The following ADAMTS19 variants were observed in gnomAD, a reference collection of about 807,000 sequenced individuals.
The protein encoded by ADAMTS19 is A disintegrin and metalloproteinase with thrombospondin motifs 19.
A neutral mutation model predicts 153.3 loss-of-function variants in ADAMTS19; 93 were observed. The observed-to-expected ratio is 0.61, with a 90% CI of 0.51 to 0.72. The LOEUF (loss-of-function observed/expected upper bound fraction) is 0.72, where lower values mean the gene tolerates loss of function less well. Among genes scored for constraint, ADAMTS19 ranks in the 30% least tolerant of loss-of-function variants. The probability of loss-of-function intolerance (pLI) is 0.00; values close to 1 mark genes in which losing one functional copy is unlikely to be tolerated. For synonymous variants in ADAMTS19, 600 were observed against 556.6 expected, an observed-to-expected ratio of 1.08 and a Z score of -1.10; for missense variants, 1,482 against 1,552.1, an observed-to-expected ratio of 0.95 and a Z score of 0.76.
intron 11 of ADAMTS19, among the ~76,000 whole-genome samples, chr5:129,643,167 G>GCACACA (rs76876946): frequency 6.8e-6 from 1 of 148,016 alleles, no homozygotes; most frequent in Non-Finnish European, 1.5e-5. Context: ...ACACACAAAA[G>GCACACA]CACACACACA....
At chr5:129,638,008 G>T (rs1169455301) in intron 10 of ADAMTS19, among the ~76,000 whole-genome samples, 1 of 152,086 alleles carries the variant, frequency 6.6e-6, no homozygotes, top group Non-Finnish European at 1.5e-5. Context: ...AAAAGGTAAT[G>T]ATTGGGTACT....
At chr5:129,716,476 C>A (rs765439663) in intron 21 of ADAMTS19, among the ~76,000 whole-genome samples, 2 of 151,980 alleles carry the variant, frequency 1.3e-5, no homozygotes, top group South Asian at 2.1e-4. Context: ...TGAGATGAGT[C>A]ATTAGCCACC....
intron 2 of ADAMTS19, among the ~76,000 whole-genome samples, chr5:129,486,488 A>G (rs1750595697): frequency 1.3e-5 from 2 of 152,216 alleles, no homozygotes; most frequent in Admixed American, 6.5e-5. Flanking sequence ...AAGAAAAATT[A>G]TAACAGTGTG....
At chr5:129,507,271 TAAGAC>T (rs1156242090) in intron 2 of ADAMTS19, among the ~76,000 whole-genome samples, 1 of 152,024 alleles carries the variant, frequency 6.6e-6, no homozygotes, top group Non-Finnish European at 1.5e-5. Context: ...CACTAATCCA[TAAGAC>T]AAGAATAACA....
chr5:129,535,714 A>G (rs1752394474), intron 6 of ADAMTS19, among the ~76,000 whole-genome samples: 1 of 152,188 alleles, frequency 6.6e-6, no homozygotes, highest in South Asian at 2.1e-4. Context: ...CGAAACAGAG[A>G]TATAGACCAA....
Position 129,461,229 on chromosome 5 carries a change from G to C in ADAMTS19, c.219G>C (p.Gly73=). The C allele has an allele frequency of 1.6e-6, 2 of 1,269,210 alleles. No individual in the cohort carries two copies. Among genetic ancestry groups the C allele is most frequent in the Non-Finnish European group, 9.9e-7 (1 of 1,013,718 alleles). The allele number at this position is 1,269,210 out of a possible 1,614,324, so 78.6% of individuals were successfully genotyped here. The part of the protein sequence containing the change: ...SADPGWVRGV[G]GGGSARAQAA... ...ACCCGGGCTGGGTGCGCGGCGTTGG[G>C]GGCGGCGGAAGCGCCCGGGCGCAGG... The change falls in exon 2 of 23, where the codon GGG becomes GGC. Residue 73 remains glycine, a synonymous_variant. Transcript: ENST00000274487. This position sits in a 1 kb window ranked among gnomAD's most constrained non-coding sequence, Gnocchi z 4.6.
chr5:129,526,852 T>G lies in ADAMTS19; in HGVS notation c.1086+396T>G, dbSNP rs544975389. On this transcript the variant is annotated intron_variant, in intron 4 of 22. Transcript: ENST00000274487. ...ATAGTAGATGTATATATTTATGGGG[T>G]ACATAAGATATTTTGATAGAGGTAT... 1.2e-3 allele frequency among the ~76,000 whole-genome samples: 179 copies of G among 151,922 alleles called. 1 individual carries two copies. The highest frequency in any genetic ancestry group is 4.1e-3 in the African/African-American group (171 of 41,516).
At position 129,669,039 on chromosome 5, in the gene ADAMTS19, A is replaced by G. The variant is rs188669470; in HGVS notation, c.2506+3460A>G. 3.9e-5 allele frequency among the ~76,000 whole-genome samples: 6 copies of G among 152,118 alleles called. No individual in the cohort carries two copies. In the East Asian group the frequency reaches 7.8e-4, roughly 20 times the overall value. On this transcript the variant is annotated intron_variant, in intron 16 of 22. Transcript: ENST00000274487. ...CAGTACGATCCTGGCATAAAGACAG[A>G]CATCTAAACCAATGGAAAAGATTAG...
intron 3 of ADAMTS19, among the ~76,000 whole-genome samples, chr5:129,519,648 G>GAAAA (rs60640527): frequency 6.9e-6 from 1 of 144,662 alleles, no homozygotes; most frequent in African/African-American, 2.5e-5. Flanking sequence ...CATTTTATAG[G>GAAAA]AAAAAAAAAA....
chr5:129,549,645 A>C (rs1752993106), intron 6 of ADAMTS19, among the ~76,000 whole-genome samples: 2 of 151,476 alleles, frequency 1.3e-5, no homozygotes, highest in South Asian at 4.2e-4. Flanking sequence ...CAATGTAAAA[A>C]TCAATCCAGT....
At chr5:129,539,809 G>A (rs191035211) in intron 6 of ADAMTS19, among the ~76,000 whole-genome samples, 16 of 152,078 alleles carry the variant, frequency 1.1e-4, no homozygotes, top group Non-Finnish European at 1.5e-4. Context: ...AAATACTGAC[G>A]AATACTGGCA....
chr5:129,562,407 T>C (rs927289946), intron 7 of ADAMTS19, among the ~76,000 whole-genome samples: 1 of 152,206 alleles, frequency 6.6e-6, no homozygotes, highest in Non-Finnish European at 1.5e-5. Flanking sequence ...GACAGTGAAG[T>C]TGGTGCCACT....
intron 8 of ADAMTS19, among the ~76,000 whole-genome samples, chr5:129,600,928 G>A (rs1414261832): frequency 1.3e-5 from 2 of 151,960 alleles, no homozygotes; most frequent in African/African-American, 4.8e-5. Flanking sequence ...GGAGTGCAGT[G>A]GCTCGATCTC....
chr5:129,655,577 A>G (rs1183948420), intron 14 of ADAMTS19, among the ~76,000 whole-genome samples: 1 of 152,202 alleles, frequency 6.6e-6, no homozygotes, highest in Non-Finnish European at 1.5e-5. Flanking sequence ...TTTGTGCTAT[A>G]TACACTCCTT....
At chr5:129,582,472 G>A (rs1749562558) in intron 7 of ADAMTS19, among the ~76,000 whole-genome samples, 1 of 151,130 alleles carries the variant, frequency 6.6e-6, no homozygotes, top group African/African-American at 2.4e-5. Flanking sequence ...ATCTCCCTTT[G>A]AGCCTATGTG....
chr5:129,720,148 GTA>G (rs35948614), intron 21 of ADAMTS19, among the ~76,000 whole-genome samples: 16,852 of 142,874 alleles, frequency 0.12, 1,178 homozygotes, highest in South Asian at 0.19. Flanking sequence ...ATGTGTGTAT[GTA>G]TATATATATA....
intron 21 of ADAMTS19, among the ~76,000 whole-genome samples, chr5:129,707,222 G>T (rs1315988659): frequency 6.6e-6 from 1 of 152,038 alleles, no homozygotes; most frequent in Non-Finnish European, 1.5e-5. Flanking sequence ...ATTATACTTG[G>T]GCTGTCCTAA....
intron 7 of ADAMTS19, among the ~76,000 whole-genome samples, chr5:129,566,974 G>GGACT (rs57802209): frequency 0.87 from 132,270 of 151,514 alleles, 57,942 homozygotes; most frequent in African/African-American, 0.91. Context: ...TCTGAAAGCA[G>GGACT]GAAATGAGAA....
chr5:129,638,516 A>G (rs1752629108), intron 10 of ADAMTS19, among the ~76,000 whole-genome samples: 1 of 150,390 alleles, frequency 6.6e-6, no homozygotes, highest in African/African-American at 2.4e-5. Flanking sequence ...ATTCAGCTTT[A>G]TTTTCCCTTT....
Sources: allele counts gnomAD v4.1 joint callset (sites outside exome capture counted in the v4.1 genomes callset), GRCh38; gene constraint gnomAD v4.1.1; non-coding constraint Gnocchi (gnomAD v3.1); transcripts MANE v1.5; gene names NCBI Gene and HGNC (gene_info 2026-07-23, HGNC 2026-07-21).